Variants in PPL observed in about 807,000 individuals in gnomAD.
The protein encoded by PPL is 190 kDa paraneoplastic pemphigus antigen.
In PPL, 198 loss-of-function variants were observed where a neutral mutation model predicts 194.4. That is an observed-to-expected ratio of 1.02 (90% CI 0.91 to 1.15). PPL has a LOEUF of 1.15. Among genes scored for constraint, PPL ranks in the 50% most tolerant of loss-of-function variants. The probability of loss-of-function intolerance (pLI) is 0.00; values close to 1 mark genes in which losing one functional copy is unlikely to be tolerated. For missense variants in PPL, 2,885 were observed against 2,294.8 expected (o/e 1.26, Z -5.25); for synonymous variants, 1,220 against 972.4 (o/e 1.25, Z -4.74).
At chr16:4,922,775 C>T (rs1244154969) in intron 1 of PPL, among the ~76,000 whole-genome samples, 2 of 68,582 alleles carry the variant, frequency 2.9e-5, no homozygotes, top group Non-Finnish European at 1.0e-4. Flanking sequence ...GCCGTCCACA[C>T]TGTTCACGCT....
chr16:4,886,130 G>A, intron 21 of PPL, 83 bp from the exon 22 acceptor site: 1 of 1,554,984 alleles, frequency 6.4e-7, no homozygotes, highest in Non-Finnish European at 8.7e-7. Context: ...CAGAGTGGCT[G>A]TCCTGTGGTC....
intron 1 of PPL, among the ~76,000 whole-genome samples, chr16:4,935,719 G>T (rs1400342448): frequency 1.3e-5 from 2 of 152,230 alleles, no homozygotes; most frequent in Non-Finnish European, 2.9e-5. Flanking sequence ...GCACTCCAGC[G>T]TGCTAGGGCC....
At chr16:4,898,524 C>G (rs1482273559) in intron 8 of PPL, among the ~76,000 whole-genome samples, 1 of 152,058 alleles carries the variant, frequency 6.6e-6, no homozygotes, top group African/African-American at 2.4e-5. Context: ...AGAGAGGATA[C>G]AGAGAGACAT....
chr16:4,912,757 C>G (rs998214604), intron 1 of PPL, among the ~76,000 whole-genome samples: 1 of 152,224 alleles, frequency 6.6e-6, no homozygotes, highest in African/African-American at 2.4e-5. Context: ...GGAGGTGTGA[C>G]AGCCGTGGTG....
chr16:4,900,726 A>G lies in PPL; in HGVS notation c.606+104T>C, dbSNP rs1237279120. On this transcript the variant is annotated intron_variant, in intron 6 of 21. Coordinates refer to ENST00000345988, the MANE Select transcript of PPL (RefSeq NM_002705.5). ...GTGCTAGGCGTGAGCCACCATGCCCAGCTGCCTATGTCATTTTTAAAACAA... is the reference window on the plus strand; with the variant it reads ...GTGCTAGGCGTGAGCCACCATGCCCGGCTGCCTATGTCATTTTTAAAACAA... The G allele has an allele frequency of 3.3e-6, 5 of 1,506,220 alleles. No individual in the cohort carries two copies. The African/African-American group carries it at 4.1e-5, about 12-fold the overall frequency. 93.3% of individuals were successfully genotyped at this position (1,506,220 alleles called of 1,614,324 possible). A position where few individuals can be genotyped will look rare whatever the true frequency, so the allele number is the denominator to read the frequency against.
chr16:4,887,858 A>G (rs2088243222), intron 20 of PPL, among the ~76,000 whole-genome samples: 1 of 152,166 alleles, frequency 6.6e-6, no homozygotes, highest in Non-Finnish European at 1.5e-5. Flanking sequence ...GGCCTCCCAA[A>G]GTGCTAGGAT....
rs2088214297 is a variant in PPL at position 4,886,016 on chromosome 16, AGGG to A, written c.2636_2638del (p.Thr879_Leu880delinsMet). 6.2e-7 allele frequency: 1 copy of A among 1,613,758 alleles called. No individual in the cohort carries two copies. Among genetic ancestry groups the A allele is most frequent in the Non-Finnish European group, 8.5e-7 (1 of 1,180,022 alleles). On this transcript the variant is annotated inframe_deletion, in exon 22 of 22. Transcript: ENST00000345988. ...TCCAGAGTCCGGCCTATTCCTTTGC[AGGG>A]TCTCATGGGTCACTTCTACTTCCGG...
chr16:4,897,274 G>T (rs962987687), intron 9 of PPL, among the ~76,000 whole-genome samples: 1 of 134,622 alleles, frequency 7.4e-6, no homozygotes, highest in Admixed American at 8.1e-5. Flanking sequence ...GGTGGAGGTT[G>T]TAGTGAGCCG....
Position 4,926,843 on chromosome 16 carries a change from C to A in PPL, c.62+10141G>T, listed in dbSNP as rs1324546092. 2.1e-5 allele frequency among the ~76,000 whole-genome samples: 3 copies of A among 144,820 alleles called. No homozygotes were observed. The Admixed American group carries it at 2.2e-4, about 11-fold the overall frequency. ...GCAGTGAGCTGAGATTGTGCCACTG[C>A]ACTCCAGCCTGGGCAACAGAGCAAG... On this transcript the variant is annotated intron_variant, in intron 1 of 21. Coordinates refer to ENST00000345988, the MANE Select transcript of PPL (RefSeq NM_002705.5).
At chr16:4,933,453 G>A (rs897395606) in intron 1 of PPL, among the ~76,000 whole-genome samples, 1 of 152,154 alleles carries the variant, frequency 6.6e-6, no homozygotes, top group Non-Finnish European at 1.5e-5. Flanking sequence ...TCAAGCAGAG[G>A]CAGAATTGAG....
In PPL at chr16:4,909,897, A is replaced by G. The variant is rs555030996; in HGVS notation, c.162+953T>C. On this transcript the variant is annotated intron_variant, in intron 2 of 21. Coordinates refer to ENST00000345988, the MANE Select transcript of PPL (RefSeq NM_002705.5). ...AACATGATTTGTGTTCTGAAATTCA[A>G]ATGTAACTGGGCATCTCATATTTTA... is the stretch of plus-strand genomic sequence containing the variant. Among the ~76,000 whole-genome samples, 48 of 152,358 alleles carry G rather than the reference A, an allele frequency of 3.2e-4. No homozygotes were observed. The South Asian group carries it at 7.5e-3, about 24-fold the overall frequency.
chr16:4,912,213 C>G (rs2088832984), intron 1 of PPL, among the ~76,000 whole-genome samples: 2 of 152,224 alleles, frequency 1.3e-5, no homozygotes, highest in African/African-American at 4.8e-5. Flanking sequence ...TCCCTATTCC[C>G]CACCCGCTCC....
At chr16:4,909,285 G>C (rs1269235074) in intron 2 of PPL, among the ~76,000 whole-genome samples, 1 of 152,194 alleles carries the variant, frequency 6.6e-6, no homozygotes, top group Non-Finnish European at 1.5e-5. Flanking sequence ...GGCCTTCAGA[G>C]GGTGGGCAAC....
At chr16:4,892,266 C>A (rs2088335558) in intron 14 of PPL, 53 bp from the exon 15 acceptor site, 3 of 1,564,804 alleles carry the variant, frequency 1.9e-6, no homozygotes, top group Admixed American at 1.7e-5. Context: ...GCCCCTTCCC[C>A]TGAGGATGTG....
At chr16:4,900,230 G>C (rs2088532681) in intron 6 of PPL, among the ~76,000 whole-genome samples, 1 of 152,082 alleles carries the variant, frequency 6.6e-6, no homozygotes, top group Admixed American at 6.6e-5. Flanking sequence ...GAAGGAAAAT[G>C]GAAAGCTTTT....
At chr16:4,934,219 G>T (rs374661262) in intron 1 of PPL, among the ~76,000 whole-genome samples, 1 of 152,012 alleles carries the variant, frequency 6.6e-6, no homozygotes, top group Non-Finnish European at 1.5e-5. Context: ...CCCGGGCAAC[G>T]GGAGCAACGG....
chr16:4,895,020 T>C (rs1477501893), intron 11 of PPL, among the ~76,000 whole-genome samples: 1 of 152,148 alleles, frequency 6.6e-6, no homozygotes, highest in South Asian at 2.1e-4. Flanking sequence ...AATGAGAACC[T>C]GGCCTGGGAC....
rs34469784 is a variant in PPL, at chr16:4,883,854, C to A, written c.4801G>T (p.Val1601Leu). Residue 1601 changes from valine to leucine, a missense_variant, in exon 22 of 22, where the codon GTG becomes TTG. Val to Leu is a conservative substitution (Grantham distance 32). Transcript: ENST00000345988. This position sits in a 1 kb window ranked among gnomAD's most constrained non-coding sequence, Gnocchi z 4.8. ...TETRDLRNMT[V>L]ADSGTNHDSR... ...TCATGGTTGGTCCCAGAGTCCGCCA[C>A]GGTCATGTTCCGCAGGTCTCGTGTT... 1.5e-5 allele frequency: 24 copies of A among 1,613,954 alleles called. No individual in the cohort carries two copies. The African/African-American group carries it at 3.2e-4, about 22-fold the overall frequency.
chr16:4,916,505 C>A (rs1270216790), intron 1 of PPL, among the ~76,000 whole-genome samples: 1 of 147,876 alleles, frequency 6.8e-6, no homozygotes, highest in Non-Finnish European at 1.5e-5. Context: ...AGCCATTGCG[C>A]CCAGCCTTAT....
Sources: gnomAD v4.1 joint callset for allele counts (sites outside exome capture counted in the v4.1 genomes callset) on GRCh38, gnomAD v4.1.1 for gene constraint, Gnocchi (gnomAD v3.1) non-coding constraint, MANE v1.5 for transcripts, NCBI Gene and HGNC (gene_info 2026-07-23, HGNC 2026-07-21) for gene names.